Variants in HEPH observed in about 807,000 individuals in gnomAD.
HEPH encodes the protein hephaestin.
HEPH carries 69 observed loss-of-function variants against 80.8 expected under a neutral mutation model. The ratio of observed to expected loss-of-function variants is 0.85; its 90% CI spans 0.70 to 1.04. The LOEUF is 1.04. Ranked by LOEUF, HEPH falls within the 50% of genes least tolerant of loss-of-function variation. HEPH has a pLI of 0.00. For synonymous variants in HEPH, 431 were observed against 322.8 expected (o/e 1.34, Z -3.60); for missense variants, 1,115 against 891.3 (o/e 1.25, Z -3.20).
At chrX:66,220,372 C>G (rs1465436379) in intron 15 of HEPH, among the ~76,000 whole-genome samples, 1 of 111,587 alleles carries the variant, frequency 9.0e-6, no homozygotes. Context: ...GATATTTACT[C>G]AAGGATCCAG....
intron 15 of HEPH, among the ~76,000 whole-genome samples, chrX:66,225,461 C>G (rs747408694): frequency 8.9e-6 from 1 of 111,935 alleles, no homozygotes; most frequent in South Asian, 3.7e-4. Context: ...AAGTATCAAG[C>G]AATCCAAGTC....
At chrX:66,180,554 G>T (rs775390858) in intron 4 of HEPH, among the ~76,000 whole-genome samples, 1 of 104,828 alleles carries the variant, frequency 9.5e-6, no homozygotes, top group Non-Finnish European at 1.9e-5. Flanking sequence ...TTCCTTCTTT[G>T]TCTTAACTTT....
chrX:66,177,344 A>G (rs1414494071), intron 4 of HEPH, among the ~76,000 whole-genome samples: 2 of 111,920 alleles, frequency 1.8e-5, no homozygotes, highest in Non-Finnish European at 3.8e-5. Context: ...TGGTGAATCC[A>G]TCTAGTCCTG....
At chrX:66,192,708 G>C (rs1267162999) in intron 7 of HEPH, among the ~76,000 whole-genome samples, 1 of 111,797 alleles carries the variant, frequency 8.9e-6, no homozygotes, top group Non-Finnish European at 1.9e-5. Context: ...TGAGGCATTT[G>C]AGCAGGGGTA....
At chrX:66,208,623 TATAC>T (rs1202173739) in intron 15 of HEPH, among the ~76,000 whole-genome samples, 58 of 57,120 alleles carry the variant, frequency 1.0e-3, no homozygotes, top group East Asian at 2.0e-3. Flanking sequence ...ATCTCAAATA[TATAC>T]ATACATATAT....
At chrX:66,226,114 A>G (rs1428677107) in intron 15 of HEPH, among the ~76,000 whole-genome samples, 1 of 111,962 alleles carries the variant, frequency 8.9e-6, no homozygotes, top group African/African-American at 3.2e-5. Context: ...GTGCTTTTCT[A>G]TACAGTGTCT....
intron 15 of HEPH, 84 bp downstream of exon 15, chrX:66,208,330 G>A: frequency 1.0e-6 from 1 of 958,389 alleles, no homozygotes; most frequent in Non-Finnish European, 1.4e-6. Flanking sequence ...AAAAATTAAT[G>A]TACTTCAGAC....
Position 66,256,205 on chromosome X carries a change from T to C in HEPH, c.2771T>C (p.Leu924Ser). The C allele has an allele frequency of 8.3e-7, 1 of 1,211,250 alleles. No homozygotes were observed. Among genetic ancestry groups the C allele is most frequent in the Non-Finnish European group, 1.1e-6 (1 of 894,971 alleles). The stretch of plus-strand genomic sequence containing the variant: ...GACATGGATCGGGAATTTGCATTGT[T>C]GTTCTTGATTTTTGATGAAAATAAG... ...RSDMDREFAL[L>S]FLIFDENKSW... The change falls in exon 17 of 21, where the codon TTG becomes TCG. Residue 924 changes from leucine (L) to serine (S), a missense_variant. By Grantham distance (145) the Leu-to-Ser change is moderately radical. This residue lies in a region of HEPH where 716 missense variants were observed against 523.5 expected (regional missense o/e 1.37). Coordinates refer to ENST00000343002, the MANE Select transcript of HEPH (RefSeq NM_001367233.3).
chrX:66,213,910 G>A (rs2089271253), intron 15 of HEPH, among the ~76,000 whole-genome samples: 1 of 112,275 alleles, frequency 8.9e-6, no homozygotes, highest in Admixed American at 9.4e-5. Flanking sequence ...AACTCCATCA[G>A]CTTCAGACAA....
intron 4 of HEPH, among the ~76,000 whole-genome samples, chrX:66,179,668 T>G (rs1350760714): frequency 9.0e-6 from 1 of 111,626 alleles, no homozygotes; most frequent in Non-Finnish European, 1.9e-5. Context: ...TATTGAAGTC[T>G]CCCACTATTA....
In HEPH at chrX:66,256,152, C is replaced by A. The variant is rs771636166; in HGVS notation, c.2718C>A (p.Gly906=). The change falls in exon 17 of 21, where the codon GGC becomes GGA. Residue 906 remains glycine (G), a synonymous_variant. Transcript: ENST00000343002. ...LVGPLAICQK[G]ILEPHGGRSD... Reference sequence around the variant, plus strand: ...GGCCCTTGGCTATCTGCCAAAAGGGCATCCTGGAGCCCCATGGAGGACGGA... The same window carrying A: ...GGCCCTTGGCTATCTGCCAAAAGGGAATCCTGGAGCCCCATGGAGGACGGA... 1 of 1,211,269 alleles carries A rather than the reference C, an allele frequency of 8.3e-7. No individual in the cohort carries two copies. Among genetic ancestry groups the A allele is most frequent in the Non-Finnish European group, 1.1e-6 (1 of 895,067 alleles).
At chrX:66,206,966 G>A (rs992077608) in intron 13 of HEPH, among the ~76,000 whole-genome samples, 3 of 109,152 alleles carry the variant, frequency 2.7e-5, no homozygotes, top group Non-Finnish European at 5.7e-5. Flanking sequence ...GTGGTGAGCC[G>A]AGATCATGCC....
chrX:66,237,051 A>T, intron 15 of HEPH, among the ~76,000 whole-genome samples: 1 of 110,711 alleles, frequency 9.0e-6, no homozygotes, highest in Non-Finnish European at 1.9e-5. Flanking sequence ...TTTATTAGTT[A>T]CTTCAAAAAA....
chrX:66,187,642 G>A (rs1569303169), intron 4 of HEPH, among the ~76,000 whole-genome samples: 1 of 111,133 alleles, frequency 9.0e-6, no homozygotes, highest in African/African-American at 3.3e-5. Flanking sequence ...ACAGTATTTG[G>A]GGTGTCTCCC....
chrX:66,235,578 C>A lies in HEPH; in HGVS notation c.2564-19457C>A, dbSNP rs769668777. Among the ~76,000 whole-genome samples the A allele has an allele frequency of 1.2e-4, 13 of 111,589 alleles. No individual in the cohort carries two copies. In the Middle Eastern group the frequency reaches 0.014, roughly 119 times the overall value. On this transcript the variant is annotated intron_variant, in intron 15 of 20. Coordinates refer to ENST00000343002, the MANE Select transcript of HEPH (RefSeq NM_001367233.3). ...ATTGGTCTATGTGTCTATTTTTGTA[C>A]CAGTACCATGCTGTTTTGGTTACTG...
rs1214487785 is a variant in HEPH at position 66,186,408 on chromosome X, C to T, written c.626-1951C>T. ...AGTTGTGGGATATAGTCTCGTGGTG[C>T]GCGGTTTCTTAAGCCGGTCTGAAAA... On this transcript the variant is annotated intron_variant, in intron 4 of 20. Transcript: ENST00000343002. Among the ~76,000 whole-genome samples the T allele has an allele frequency of 1.3e-4, 14 of 111,789 alleles. 1 individual carries two copies. Among genetic ancestry groups the T allele is most frequent in the South Asian group, 1.1e-3 (3 of 2,665 alleles).
chrX:66,169,074 G>A (rs779883851), intron 1 of HEPH, among the ~76,000 whole-genome samples: 8 of 110,952 alleles, frequency 7.2e-5, no homozygotes, highest in African/African-American at 1.3e-4. Context: ...CACACTTCCT[G>A]GGCTCAAATC....
chrX:66,205,541 G>A (rs1287130240), intron 13 of HEPH, among the ~76,000 whole-genome samples: 1 of 110,833 alleles, frequency 9.0e-6, no homozygotes, highest in African/African-American at 3.3e-5. Flanking sequence ...ATTGTGAATA[G>A]TGCTGTGATG....
At chrX:66,222,744 A>T (rs980402179) in intron 15 of HEPH, among the ~76,000 whole-genome samples, 2 of 111,409 alleles carry the variant, frequency 1.8e-5, no homozygotes, top group African/African-American at 6.5e-5. Context: ...GTCTGAGGAG[A>T]GTCAGGAGGG....
Sources: gnomAD v4.1 joint callset for allele counts (sites outside exome capture counted in the v4.1 genomes callset) on GRCh38, gnomAD v4.1.1 for gene constraint, gnomAD v4.1.1 regional missense constraint, MANE v1.5 for transcripts, NCBI Gene and HGNC (gene_info 2026-07-23, HGNC 2026-07-21) for gene names.